TNFRSF8: variants seen among roughly 807,000 people sequenced by gnomAD.
TNFRSF8 encodes the protein tumor necrosis factor receptor superfamily member 8.
A neutral mutation model predicts 70.8 loss-of-function variants in TNFRSF8; 26 were observed. The observed-to-expected ratio is 0.37, with a 90% CI of 0.27 to 0.51. The LOEUF (loss-of-function observed/expected upper bound fraction) is 0.51. TNFRSF8 is among the 20% of genes least tolerant of loss of function. The pLI, the probability that TNFRSF8 is intolerant of heterozygous loss-of-function variation, is 0.94. For missense variants in TNFRSF8, 720 were observed against 807.9 expected, an observed-to-expected ratio of 0.89 and a Z score of 1.32; for synonymous variants, 356 against 339.2, an observed-to-expected ratio of 1.05 and a Z score of -0.54.
Position 12,071,447 on chromosome 1 carries a change from A to T in TNFRSF8, c.63+7786A>T, listed in dbSNP as rs544753039. ...GAGCAAGATTCTGTCTCAAAAAAAG[A>T]AAAAAGTCTATGATAAGGCAGCAGA... On this transcript the variant is annotated intron_variant, in intron 1 of 14. Transcript: ENST00000263932. 2.0e-4 allele frequency among the ~76,000 whole-genome samples: 31 copies of T among 152,276 alleles called. No individual in the cohort carries two copies. The East Asian group carries it at 5.8e-3, about 28-fold the overall frequency.
At position 12,109,431 on chromosome 1, in the gene TNFRSF8, G is replaced by A; in HGVS notation, c.422-135G>A. On this transcript the variant is annotated intron_variant, in intron 4 of 14. Coordinates refer to ENST00000263932, the MANE Select transcript of TNFRSF8 (RefSeq NM_001243.5). The surrounding 1 kb of genome is among the most constrained non-coding windows in gnomAD (Gnocchi z 4.4). ...TCTGAAGGGGAACGGGTGCCAGGCG[G>A]GTGCCACCTCCAGATGACTGCTGTG... The A allele has an allele frequency of 1.6e-6, 1 of 644,396 alleles. No homozygotes were observed. The highest frequency in any genetic ancestry group is 2.7e-6 in the Non-Finnish European group (1 of 371,196). The allele number at this position is 644,396 out of a possible 1,614,324, so 39.9% of individuals were successfully genotyped here. A position where few individuals can be genotyped will look rare whatever the true frequency, so the allele number is the denominator to read the frequency against.
chr1:12,107,469 A>G (rs1198847211), intron 4 of TNFRSF8, among the ~76,000 whole-genome samples: 1 of 152,188 alleles, frequency 6.6e-6, no homozygotes, highest in African/African-American at 2.4e-5. Context: ...TACAATATGC[A>G]CTGGATTTCG....
intron 8 of TNFRSF8, among the ~76,000 whole-genome samples, chr1:12,122,467 T>G (rs1392428226): frequency 6.6e-6 from 1 of 151,766 alleles, no homozygotes; most frequent in Non-Finnish European, 1.5e-5. Flanking sequence ...GTCAACATGG[T>G]GAAACCCTGT....
chr1:12,125,063 T>C (rs898733834), intron 10 of TNFRSF8, among the ~76,000 whole-genome samples: 2 of 152,098 alleles, frequency 1.3e-5, no homozygotes, highest in African/African-American at 4.8e-5. Flanking sequence ...ATGGGCCCCA[T>C]CCCAGACCTA....
intron 1 of TNFRSF8, among the ~76,000 whole-genome samples, chr1:12,080,137 C>T (rs1300382573): frequency 3.3e-5 from 5 of 151,776 alleles, no homozygotes; most frequent in Admixed American, 6.6e-5. Context: ...TTAGCAGAGA[C>T]GGGGTTTTGC....
Position 12,101,561 on chromosome 1 carries a change from G to A in TNFRSF8, c.269-2818G>A, listed in dbSNP as rs115705361. ...GCAGCACTTTTATACAACTGGCAGG[G>A]CAGTAGGTTTGTTTATACCAACATC... On this transcript the variant is annotated intron_variant, in intron 3 of 14. Coordinates refer to ENST00000263932, the MANE Select transcript of TNFRSF8 (RefSeq NM_001243.5). Among the ~76,000 whole-genome samples the A allele has an allele frequency of 6.0e-3, 907 of 152,304 alleles. 13 individuals carry two copies. Among genetic ancestry groups the A allele is most frequent in the African/African-American group, 0.021 (878 of 41,556 alleles).
intron 12 of TNFRSF8, among the ~76,000 whole-genome samples, chr1:12,134,848 C>G (rs1014375756): frequency 3.3e-5 from 5 of 152,146 alleles, no homozygotes; most frequent in Non-Finnish European, 7.4e-5. Flanking sequence ...ATTCGGGGCT[C>G]TCCACACCCT....
chr1:12,086,318 A>G (rs1420967535), intron 2 of TNFRSF8, among the ~76,000 whole-genome samples: 1 of 152,206 alleles, frequency 6.6e-6, no homozygotes, highest in Non-Finnish European at 1.5e-5. Context: ...CAAAGTATTC[A>G]TTGTATGGGC....
chr1:12,094,531 G>A (rs1284208247), intron 2 of TNFRSF8, among the ~76,000 whole-genome samples: 1 of 152,032 alleles, frequency 6.6e-6, no homozygotes, highest in Non-Finnish European at 1.5e-5. Flanking sequence ...TTTCAGCAAG[G>A]AGTGAAGGGG....
chr1:12,135,156 A>G (rs11121877), intron 12 of TNFRSF8, among the ~76,000 whole-genome samples: 4,076 of 151,938 alleles, frequency 0.027, 182 homozygotes, highest in African/African-American at 0.094. Context: ...TCTACTGAAA[A>G]TACAAAAAAA....
rs1345349008 is a variant in TNFRSF8, at chr1:12,110,880, C to T, written c.676+676C>T. Among the ~76,000 whole-genome samples, 4 of 152,166 alleles carry T rather than the reference C, an allele frequency of 2.6e-5. No individual in the cohort carries two copies. Among genetic ancestry groups the T allele is most frequent in the East Asian group, 1.9e-4 (1 of 5,180 alleles). On this transcript the variant is annotated intron_variant, in intron 6 of 14. Coordinates refer to ENST00000263932, the MANE Select transcript of TNFRSF8 (RefSeq NM_001243.5). This position sits in a 1 kb window ranked among gnomAD's most constrained non-coding sequence, Gnocchi z 4.0. Reference sequence around the variant, plus strand: ...CCCAAAGTGCTGGGAGGATTACAGGCGTGAGCCACCGCGCCCAACCTAGTC... The same window carrying T: ...CCCAAAGTGCTGGGAGGATTACAGGTGTGAGCCACCGCGCCCAACCTAGTC...
intron 7 of TNFRSF8, among the ~76,000 whole-genome samples, chr1:12,114,715 T>G (rs1641696976): frequency 7.6e-6 from 1 of 131,150 alleles, no homozygotes. Context: ...TTTTTTTTTT[T>G]TTTTTTTTAA....
chr1:12,063,892 T>G lies in TNFRSF8; in HGVS notation c.63+231T>G, dbSNP rs903168942. On this transcript the variant is annotated intron_variant, in intron 1 of 14. Transcript: ENST00000263932. The surrounding 1 kb of genome is among the most constrained non-coding windows in gnomAD (Gnocchi z 7.2). ...CTTCTCACCCCGCGATGGCTGGGAC[T>G]GATTCATTCATTCAGTGTGAATTGG... Among the ~76,000 whole-genome samples, 1 of 152,216 alleles carries G rather than the reference T, an allele frequency of 6.6e-6. No individual in the cohort carries two copies. Among genetic ancestry groups the G allele is most frequent in the Non-Finnish European group, 1.5e-5 (1 of 68,026 alleles).
chr1:12,115,131 C>T (rs1641704505), intron 7 of TNFRSF8, among the ~76,000 whole-genome samples: 1 of 152,222 alleles, frequency 6.6e-6, no homozygotes, highest in African/African-American at 2.4e-5. Flanking sequence ...CTCCTCTGCA[C>T]CCATGCCCGC....
rs781204282 is a variant in TNFRSF8 at position 12,089,921 on chromosome 1, C to CCCAT, written c.151+5392_151+5395dup. ...CTATCTACCTGCCCATCCACCCTTC[C>CCCAT]CCATCCATCCATCCATCCATCCATC... On this transcript the variant is annotated intron_variant, in intron 2 of 14. Coordinates refer to ENST00000263932, the MANE Select transcript of TNFRSF8 (RefSeq NM_001243.5). Among the ~76,000 whole-genome samples the CCCAT allele has an allele frequency of 2.6e-3, 394 of 150,082 alleles. 1 individual carries two copies. Among genetic ancestry groups the CCCAT allele is most frequent in the African/African-American group, 9.2e-3 (369 of 40,188 alleles).
intron 2 of TNFRSF8, among the ~76,000 whole-genome samples, chr1:12,087,254 G>A (rs1201111): frequency 0.12 from 17,557 of 143,174 alleles, 1,064 homozygotes; most frequent in Middle Eastern, 0.13. Flanking sequence ...TGGAACCTCC[G>A]CCTCCTAGGT....
intron 2 of TNFRSF8, among the ~76,000 whole-genome samples, chr1:12,089,766 C>T (rs1364394176): frequency 6.6e-6 from 1 of 152,096 alleles, no homozygotes; most frequent in Non-Finnish European, 1.5e-5. Flanking sequence ...TGGGAGCTTA[C>T]AGTGAGGAAA....
chr1:12,093,841 C>T (rs1206804815), intron 2 of TNFRSF8, among the ~76,000 whole-genome samples: 11 of 151,908 alleles, frequency 7.2e-5, no homozygotes, highest in African/African-American at 2.7e-4. Flanking sequence ...AAGGCCAAGG[C>T]GGGACGGATC....
At chr1:12,115,500 G>A in intron 7 of TNFRSF8, 77 bp from the exon 8 acceptor site, 1 of 1,527,240 alleles carries the variant, frequency 6.5e-7, no homozygotes, top group Admixed American at 1.7e-5. Context: ...CTGCTTCTCT[G>A]TCTTCCTGGG....
Sources: gnomAD v4.1 joint callset for allele counts (sites outside exome capture counted in the v4.1 genomes callset) on GRCh38, gnomAD v4.1.1 for gene constraint, Gnocchi (gnomAD v3.1) non-coding constraint, MANE v1.5 for transcripts, NCBI Gene and HGNC (gene_info 2026-07-23, HGNC 2026-07-21) for gene names.